The following HOXB13 variants were observed in gnomAD, a reference collection of about 807,000 sequenced individuals.
The protein encoded by HOXB13 is homeobox B13, also known as homeobox protein Hox-B13.
In HOXB13, 22 loss-of-function variants were observed where a neutral mutation model predicts 23.1. The observed-to-expected ratio is 0.95, with a 90% CI of 0.68 to 1.36. The LOEUF is 1.36. HOXB13 is among the 40% of genes most tolerant of loss of function. The pLI is 0.00. For missense variants in HOXB13, 386 were observed against 376.2 expected (o/e 1.03, Z -0.22); for synonymous variants, 173 against 157.9 (o/e 1.10, Z -0.72).
In HOXB13 at chr17:48,726,922, G is replaced by C; in HGVS notation, c.723C>G (p.Ile241Met). 1 of 1,614,082 alleles carries C rather than the reference G, an allele frequency of 6.2e-7. No homozygotes were observed. The highest frequency in any genetic ancestry group is 8.5e-7 in the Non-Finnish European group (1 of 1,180,014). ...AGATCTTGCGCCTCTTGTCCTTGGT[G>C]ATGAACTTGTTAGCCGCATACTCCC... ...LEREYAANKF[I>M]TKDKRRKISA... Residue 241 changes from isoleucine (I) to methionine (M), a missense_variant, in exon 2 of 2, where the codon ATC becomes ATG. By Grantham distance (10) the Ile-to-Met change is conservative. Transcript: ENST00000290295.
chr17:48,728,544 C>A lies in HOXB13; in HGVS notation c.50G>T (p.Gly17Val), dbSNP rs1156639115. 7.4e-6 allele frequency: 12 copies of A among 1,612,968 alleles called. No individual in the cohort carries two copies. The East Asian group carries it at 2.5e-4, about 33-fold the overall frequency. Reference sequence around the variant, plus strand: ...CCGCCCCCCTCCCGCTCCCAGCAAGCCTTCGATATCCTTGGCTCCATCCAA... The same window carrying A: ...CCGCCCCCCTCCCGCTCCCAGCAAGACTTCGATATCCTTGGCTCCATCCAA... ...ATLDGAKDIE[G>V]LLGAGGGRNL... The change falls in exon 1 of 2, where the codon GGC (glycine) becomes GTC (valine). Residue 17 changes from glycine (G) to valine (V), a missense_variant. Coordinates refer to ENST00000290295, the MANE Select transcript of HOXB13 (RefSeq NM_006361.6).
intron 1 of HOXB13, 136 bp downstream of exon 1, chr17:48,727,857 G>A: frequency 9.1e-7 from 1 of 1,101,614 alleles, no homozygotes; most frequent in Non-Finnish European, 1.3e-6. Flanking sequence ...CTCCTTCAGA[G>A]TCCTAATAAC....
intron 1 of HOXB13, among the ~76,000 whole-genome samples, chr17:48,727,336 C>T (rs1192461140): frequency 5.9e-5 from 9 of 152,142 alleles, no homozygotes; most frequent in Admixed American, 5.9e-4. Flanking sequence ...CCTTTGCCCA[C>T]CATCACATAC....
rs2038241798 is a variant in HOXB13, at chr17:48,728,510, G to A, written c.84C>T (p.Val28=). 9 of 1,613,256 alleles carry A rather than the reference G, an allele frequency of 5.6e-6. No homozygotes were observed. The South Asian group carries it at 9.9e-5, about 18-fold the overall frequency. Reference sequence around the variant, plus strand: ...GGTGGCTGGTCAGAGGGGAGTGGGCGACCAGATTCCGCCCCCCTCCCGCTC... The same window carrying A: ...GGTGGCTGGTCAGAGGGGAGTGGGCAACCAGATTCCGCCCCCCTCCCGCTC... ...LLGAGGGRNL[V]AHSPLTSHPA... Residue 28 remains valine, a synonymous_variant, in exon 1 of 2, where the codon GTC becomes GTT. Coordinates refer to ENST00000290295, the MANE Select transcript of HOXB13 (RefSeq NM_006361.6).
In HOXB13 at chr17:48,728,644, C is replaced by A. The variant is rs755645189; in HGVS notation, c.-51G>T. The A allele has an allele frequency of 1.6e-5, 25 of 1,593,942 alleles. No individual in the cohort carries two copies. The highest frequency in any genetic ancestry group is 2.1e-5 in the Non-Finnish European group (25 of 1,170,226). On this transcript the variant is annotated 5_prime_UTR_variant, in exon 1 of 2. Transcript: ENST00000290295. ...GCGGGGGCGGGGAATCTAGGGGGCA[C>A]CCAGCTCGCTCTCCCCACCCAGGCC... is the stretch of plus-strand genomic sequence containing the variant.
chr17:48,727,361 C>G (rs1232072829), intron 1 of HOXB13, among the ~76,000 whole-genome samples: 1 of 152,164 alleles, frequency 6.6e-6, no homozygotes. Flanking sequence ...AGTCTTCATG[C>G]ATTTCCAGAC....
At chr17:48,727,194 C>G (rs1302570948) in intron 1 of HOXB13, 151 bp from the exon 2 acceptor site, 1 of 982,020 alleles carries the variant, frequency 1.0e-6, no homozygotes, top group Non-Finnish European at 1.5e-6. Flanking sequence ...CAAAGCATAC[C>G]AGGACAGCAC....
rs1431686412 is a variant in HOXB13, at chr17:48,728,194, G to T, written c.400C>A (p.Pro134Thr). 6.2e-7 allele frequency: 1 copy of T among 1,614,080 alleles called. No individual in the cohort carries two copies. The highest frequency in any genetic ancestry group is 1.3e-5 in the African/African-American group (1 of 74,940). ...PTEFAFYPGY[P>T]GTYQPMASYL... ...CTGGCCATAGGCTGGTAGGTTCCCG[G>T]ATATCCCGGATAGAAGGCAAACTCA... The change falls in exon 1 of 2, where the codon CCG becomes ACG. Residue 134 changes from proline (P) to threonine (T), a missense_variant. Transcript: ENST00000290295.
chr17:48,726,691 C>T lies in HOXB13; in HGVS notation c.*99G>A. 1 of 1,452,538 alleles carries T rather than the reference C, an allele frequency of 6.9e-7. No individual in the cohort carries two copies. Among genetic ancestry groups the T allele is most frequent in the South Asian group, 1.3e-5 (1 of 74,800 alleles). The allele number at this position is 1,452,538 out of a possible 1,614,324, so 90.0% of individuals were successfully genotyped here. ...TGGGAAGGGTGTTGTCTCTAGGGGC[C>T]TCTCAGCAGAGTCCTTGGCCCCAGC... On this transcript the variant is annotated 3_prime_UTR_variant, in exon 2 of 2. Transcript: ENST00000290295.
chr17:48,728,665 A>G lies in HOXB13; in HGVS notation c.-72T>C. The G allele has an allele frequency of 6.9e-7, 1 of 1,455,360 alleles. No homozygotes were observed. The highest frequency in any genetic ancestry group is 9.5e-7 in the Non-Finnish European group (1 of 1,053,108). 90.2% of individuals were successfully genotyped at this position (1,455,360 alleles called of 1,614,324 possible). A position where few individuals can be genotyped will look rare whatever the true frequency, so the allele number is the denominator to read the frequency against. On this transcript the variant is annotated 5_prime_UTR_variant, in exon 1 of 2. Transcript: ENST00000290295. ...GGCACCCAGCTCGCTCTCCCCACCC[A>G]GGCCGGGGGAATCCAAAGCGTTTTA...
In HOXB13 at chr17:48,725,498, G is replaced by T. The variant is rs574104328; in HGVS notation, c.*1292C>A. The T allele has an allele frequency of 6.6e-5, 10 of 152,336 alleles. No individual in the cohort carries two copies. In the East Asian group the frequency reaches 1.9e-3, roughly 29 times the overall value. 9.4% of individuals were successfully genotyped at this position (152,336 alleles called of 1,614,324 possible). A position where few individuals can be genotyped will look rare whatever the true frequency, so the allele number is the denominator to read the frequency against. On this transcript the variant is annotated 3_prime_UTR_variant, in exon 2 of 2. Transcript: ENST00000290295. ...TTTCTAGGAGAGCTGGCTCCGGGAG[G>T]GAAATGTCCTCGAGGTAGTGGCGGC...
At position 48,726,554 on chromosome 17, in the gene HOXB13, G is replaced by C; in HGVS notation, c.*236C>G. The stretch of plus-strand genomic sequence containing the variant: ...CTGTCAGGATGAATGATTATGACTG[G>C]GCCAGGTTCTTTGGGAACCCTGGTG... On this transcript the variant is annotated 3_prime_UTR_variant, in exon 2 of 2. Transcript: ENST00000290295. 3.5e-6 allele frequency: 2 copies of C among 567,852 alleles called. No individual in the cohort carries two copies. Among genetic ancestry groups the C allele is most frequent in the Middle Eastern group, 4.7e-4 (1 of 2,144 alleles). The allele number at this position is 567,852 out of a possible 1,614,324, so 35.2% of individuals were successfully genotyped here. A position where few individuals can be genotyped will look rare whatever the true frequency, so the allele number is the denominator to read the frequency against.
chr17:48,726,823 A>T lies in HOXB13; in HGVS notation c.822T>A (p.Val274=). The T allele has an allele frequency of 1.2e-6, 2 of 1,613,900 alleles. No homozygotes were observed. The highest frequency in any genetic ancestry group is 1.7e-6 in the Non-Finnish European group (2 of 1,179,958). ...TAGCGCTGTTCTTCACCTTGGCGAG[A>T]ACCTTCTTCTCTTTGACCCGGCGGT... ...FQNRRVKEKK[V]LAKVKNSATP The change falls in exon 2 of 2, where the codon GTT becomes GTA. Residue 274 remains valine (V), a synonymous_variant. Coordinates refer to ENST00000290295, the MANE Select transcript of HOXB13 (RefSeq NM_006361.6).
rs1321704453 is a variant in HOXB13, at chr17:48,724,884, C to G, written c.*1906G>C. 4 of 395,674 alleles carry G rather than the reference C, an allele frequency of 1.0e-5. No individual in the cohort carries two copies. Among genetic ancestry groups the G allele is most frequent in the Non-Finnish European group, 1.8e-5 (4 of 228,020 alleles). The allele number at this position is 395,674 out of a possible 1,614,324, so 24.5% of individuals were successfully genotyped here. On this transcript the variant is annotated 3_prime_UTR_variant, in exon 2 of 2. Transcript: ENST00000290295. ...CCAGAGGTTCCAGACCCCCAAAGGT[C>G]TCTACCAGGGCCATCTCCGTTAGTG...
rs574361767 is a variant in HOXB13 at position 48,726,302 on chromosome 17, G to C, written c.*488C>G. The stretch of plus-strand genomic sequence containing the variant: ...TAAACGGACATCACAGCCACACAAC[G>C]AATCTGCCCGTTCCCCTCTCCTCAG... On this transcript the variant is annotated 3_prime_UTR_variant, in exon 2 of 2. Coordinates refer to ENST00000290295, the MANE Select transcript of HOXB13 (RefSeq NM_006361.6). 6.4e-6 allele frequency: 1 copy of C among 157,402 alleles called. No individual in the cohort carries two copies. Among genetic ancestry groups the C allele is most frequent in the East Asian group, 1.9e-4 (1 of 5,370 alleles). 9.8% of individuals were successfully genotyped at this position (157,402 alleles called of 1,614,324 possible). A position where few individuals can be genotyped will look rare whatever the true frequency, so the allele number is the denominator to read the frequency against.
chr17:48,726,986 C>A lies in HOXB13; in HGVS notation c.659G>T (p.Arg220Leu). Residue 220 changes from arginine (R) to leucine (L), a missense_variant, in exon 2 of 2, where the codon CGC becomes CTC. By Grantham distance (102) the Arg-to-Leu change is moderately radical. Transcript: ENST00000290295. The stretch of plus-strand genomic sequence containing the variant: ...CAACTGCCCCTTGCTGTACGGAATG[C>A]GTTTCTTGCGGCCGCGACGAAAGGC... ...ACAFRRGRKK[R>L]IPYSKGQLRE... is the part of the protein sequence containing the mutation. 6.2e-7 allele frequency: 1 copy of A among 1,612,388 alleles called. No homozygotes were observed. The highest frequency in any genetic ancestry group is 1.1e-5 in the South Asian group (1 of 91,072).
Position 48,728,478 on chromosome 17 carries a change from G to C in HOXB13, c.116C>G (p.Ala39Gly), listed in dbSNP as rs773491778. The C allele has an allele frequency of 6.2e-7, 1 of 1,613,212 alleles. No homozygotes were observed. Among genetic ancestry groups the C allele is most frequent in the Middle Eastern group, 1.7e-4 (1 of 6,030 alleles). The change falls in exon 1 of 2, where the codon GCG becomes GGG. Residue 39 changes from alanine (A) to glycine (G), a missense_variant. Transcript: ENST00000290295. ...AHSPLTSHPAAPTLMPAVNYA... is the reference protein window; with the variant it reads ...AHSPLTSHPAGPTLMPAVNYA... ...GTTGACAGCAGGCATCAGCGTAGGC[G>C]CCGCTGGGTGGCTGGTCAGAGGGGA...
At position 48,728,743 on chromosome 17, in the gene HOXB13, C is replaced by A; in HGVS notation, c.-150G>T. ...CATTCGCTCAGCACGGCCGTCTTGA[C>A]GCAAGAGACGCAGGGGCCCGGGCAC... On this transcript the variant is annotated 5_prime_UTR_variant, in exon 1 of 2. Coordinates refer to ENST00000290295, the MANE Select transcript of HOXB13 (RefSeq NM_006361.6). 2.8e-6 allele frequency: 2 copies of A among 705,254 alleles called. No homozygotes were observed. Among genetic ancestry groups the A allele is most frequent in the South Asian group, 1.9e-5 (1 of 52,700 alleles). The allele number at this position is 705,254 out of a possible 1,614,324, so 43.7% of individuals were successfully genotyped here. A position where few individuals can be genotyped will look rare whatever the true frequency, so the allele number is the denominator to read the frequency against.
Sources: allele counts gnomAD v4.1 joint callset (sites outside exome capture counted in the v4.1 genomes callset), GRCh38; gene constraint gnomAD v4.1.1; transcripts MANE v1.5; gene names NCBI Gene and HGNC (gene_info 2026-07-23, HGNC 2026-07-21).